The following LYPD6B variants were observed in gnomAD, a reference collection of about 807,000 sequenced individuals.
LYPD6B encodes LY6/PLAUR domain containing 6B.
Under a neutral mutation model 22.8 loss-of-function variants are expected in LYPD6B, and 17 were observed. The ratio of observed to expected loss-of-function variants is 0.75; its 90% confidence interval spans 0.51 to 1.12. The LOEUF is 1.12. LYPD6B is among the 50% of genes most tolerant of loss of function. The probability of loss-of-function intolerance (pLI) is 0.00; values close to 1 mark genes in which losing one functional copy is unlikely to be tolerated. For missense variants in LYPD6B, 221 were observed against 258.3 expected (o/e 0.86, Z 0.99); for synonymous variants, 106 against 91.6 (o/e 1.16, Z -0.90).
intron 1 of LYPD6B, 36 bp downstream of exon 1, chr2:149,038,837 T>C (rs1682921867): frequency 1.3e-5 from 2 of 149,356 alleles, no homozygotes; most frequent in Admixed American, 6.6e-5. Context: ...GGGGCGGTGG[T>C]GGGTTCGGGA....
At chr2:149,113,972 CT>C (rs1686882379) in intron 1 of LYPD6B, among the ~76,000 whole-genome samples, 1 of 152,168 alleles carries the variant, frequency 6.6e-6, no homozygotes, top group Admixed American at 6.5e-5. Flanking sequence ...TGGTTGACAA[CT>C]GTTAGATTTG....
intron 1 of LYPD6B, among the ~76,000 whole-genome samples, chr2:149,093,470 G>A (rs1054635092): frequency 6.6e-6 from 1 of 152,160 alleles, no homozygotes; most frequent in African/African-American, 2.4e-5. Context: ...GTAGTCTACT[G>A]TCCATCATTC....
At position 149,072,101 on chromosome 2, in the gene LYPD6B, T is replaced by G. The variant is rs150463450; in HGVS notation, c.-67+33300T>G. Among the ~76,000 whole-genome samples the G allele has an allele frequency of 5.9e-3, 898 of 152,248 alleles. 11 individuals carry two copies. The highest frequency in any genetic ancestry group is 0.021 in the African/African-American group (856 of 41,542). ...CACACACCACTACACCTGGCTAATTTTTGTATTTTTGGTAGAGACAGAGTT... is the reference window on the plus strand; with the variant it reads ...CACACACCACTACACCTGGCTAATTGTTGTATTTTTGGTAGAGACAGAGTT... On this transcript the variant is annotated intron_variant, in intron 1 of 6. Transcript: ENST00000409642.
chr2:149,081,200 C>T (rs879035731), intron 1 of LYPD6B, among the ~76,000 whole-genome samples: 1 of 152,068 alleles, frequency 6.6e-6, no homozygotes, highest in Admixed American at 6.6e-5. Context: ...TAATTACTTC[C>T]CCTAGTAATT....
chr2:149,182,946 C>A (rs970074553), intron 3 of LYPD6B, among the ~76,000 whole-genome samples: 1 of 152,108 alleles, frequency 6.6e-6, no homozygotes, highest in African/African-American at 2.4e-5. Context: ...GCAAATACTT[C>A]TTCATGTAAG....
intron 1 of LYPD6B, among the ~76,000 whole-genome samples, chr2:149,123,253 C>G (rs58727229): frequency 0.091 from 13,838 of 152,092 alleles, 1,842 homozygotes; most frequent in East Asian, 0.3. Context: ...TTAAATTAAT[C>G]CTTTTAACTT....
intron 1 of LYPD6B, among the ~76,000 whole-genome samples, chr2:149,094,272 G>A (rs1685801922): frequency 6.6e-6 from 1 of 152,172 alleles, no homozygotes; most frequent in African/African-American, 2.4e-5. Context: ...CTAAATAAAT[G>A]TGAGTGAATG....
At chr2:149,142,191 A>G (rs451534) in intron 2 of LYPD6B, 5 of 151,420 alleles carry the variant, frequency 3.3e-5, no homozygotes, top group Non-Finnish European at 7.4e-5. Context: ...GCTCTGGGCA[A>G]TGGCGTTTAT....
chr2:149,094,106 G>C lies in LYPD6B; in HGVS notation c.-66-36777G>C, dbSNP rs1685794881. On this transcript the variant is annotated intron_variant, in intron 1 of 6. Coordinates refer to ENST00000409642, the MANE Select transcript of LYPD6B (RefSeq NM_177964.5). The stretch of plus-strand genomic sequence containing the variant: ...AAATGAGAAGAGTTTCTCCAGCAAA[G>C]AAGAAAATAATTATCTACTTAATTT... Among the ~76,000 whole-genome samples, 4 of 152,142 alleles carry C rather than the reference G, an allele frequency of 2.6e-5. No individual in the cohort carries two copies. The South Asian group carries it at 8.3e-4, about 31-fold the overall frequency.
intron 1 of LYPD6B, among the ~76,000 whole-genome samples, chr2:149,075,371 G>A (rs1357649358): frequency 6.6e-6 from 1 of 152,114 alleles, no homozygotes; most frequent in Non-Finnish European, 1.5e-5. Flanking sequence ...GGGTCTATAT[G>A]TTTATGGCTG....
At position 149,122,130 on chromosome 2, in the gene LYPD6B, C is replaced by G. The variant is rs75326940; in HGVS notation, c.-66-8753C>G. On this transcript the variant is annotated intron_variant, in intron 1 of 6. Transcript: ENST00000409642. ...TTTCACACCCCTCTGGACTGCAGTC[C>G]AGAAAGGCCTTAAATATTGCATCCA... Among the ~76,000 whole-genome samples the G allele has an allele frequency of 3.7e-3, 569 of 152,250 alleles. 4 individuals carry two copies. Among genetic ancestry groups the G allele is most frequent in the Non-Finnish European group, 7.0e-3 (476 of 68,014 alleles).
At chr2:149,173,562 T>C (rs184157678) in intron 3 of LYPD6B, among the ~76,000 whole-genome samples, 271 of 152,224 alleles carry the variant, frequency 1.8e-3, no homozygotes, top group Admixed American at 2.2e-3. Context: ...ACTCATCTAT[T>C]AAAAAAATTA....
chr2:149,121,215 A>T (rs1319463875), intron 1 of LYPD6B, among the ~76,000 whole-genome samples: 1 of 152,200 alleles, frequency 6.6e-6, no homozygotes, highest in African/African-American at 2.4e-5. Flanking sequence ...AGATGACATG[A>T]TACTAGTTTT....
At chr2:149,135,158 T>C (rs1384781009) in intron 2 of LYPD6B, among the ~76,000 whole-genome samples, 1 of 149,848 alleles carries the variant, frequency 6.7e-6, no homozygotes, top group African/African-American at 2.5e-5. Flanking sequence ...GACACAACAA[T>C]TGCTTGAACC....
chr2:149,078,789 T>C (rs556510011), intron 1 of LYPD6B, among the ~76,000 whole-genome samples: 30 of 152,182 alleles, frequency 2.0e-4, no homozygotes, highest in Non-Finnish European at 4.3e-4. Context: ...GGAGGATTGC[T>C]CAAGCCCTGG....
intron 1 of LYPD6B, among the ~76,000 whole-genome samples, chr2:149,039,875 A>G (rs1232046746): frequency 6.6e-6 from 1 of 152,014 alleles, no homozygotes; most frequent in African/African-American, 2.4e-5. Flanking sequence ...TACCCATCGT[A>G]TTTGTCAGAA....
rs386391473 is a variant in LYPD6B, at chr2:149,212,380, C to CA, written c.329-588dup. ...CTGGGGACAGAGTAAGACTCCGTCT[C>CA]AAAAAAAAAAAAAAAAAAAAAAAAG... On this transcript the variant is annotated intron_variant, in intron 5 of 6. Transcript: ENST00000409642. 5.0e-3 allele frequency among the ~76,000 whole-genome samples: 302 copies of CA among 60,088 alleles called. 28 individuals are homozygous for CA. Among genetic ancestry groups the CA allele is most frequent in the African/African-American group, 0.011 (143 of 13,300 alleles). The allele number at this position is 60,088 out of a possible 152,430, so 39.4% of individuals were successfully genotyped here.
chr2:149,118,842 C>G (rs1191552167), intron 1 of LYPD6B, among the ~76,000 whole-genome samples: 1 of 152,200 alleles, frequency 6.6e-6, no homozygotes, highest in African/African-American at 2.4e-5. Flanking sequence ...GGTTAATCTA[C>G]TGCCTCTCAC....
At chr2:149,070,659 A>G (rs1247017860) in intron 1 of LYPD6B, among the ~76,000 whole-genome samples, 1 of 152,204 alleles carries the variant, frequency 6.6e-6, no homozygotes, top group East Asian at 1.9e-4. Context: ...ATAATTAGAC[A>G]ACCCATTGTA....
Sources: allele counts gnomAD v4.1 joint callset (sites outside exome capture counted in the v4.1 genomes callset), GRCh38; gene constraint gnomAD v4.1.1; transcripts MANE v1.5; gene names NCBI Gene and HGNC (gene_info 2026-07-23, HGNC 2026-07-21).